The following HSF2BP variants were observed in gnomAD, a reference collection of about 807,000 sequenced individuals.
HSF2BP encodes the protein heat shock factor 2-binding protein.
A neutral mutation model predicts 35.0 loss-of-function variants in HSF2BP; 35 were observed. The observed-to-expected ratio is 1.00, with a 90% CI of 0.76 to 1.32. The LOEUF is 1.32. HSF2BP is among the 40% of genes most tolerant of loss of function. HSF2BP has a pLI of 0.00. For synonymous variants in HSF2BP, 114 were observed against 117.4 expected, an observed-to-expected ratio of 0.97 and a Z score of 0.18; for missense variants, 326 against 321.7, an observed-to-expected ratio of 1.01 and a Z score of -0.10.
chr21:43,574,492 G>A (rs962310771), intron 8 of HSF2BP, among the ~76,000 whole-genome samples: 1 of 151,992 alleles, frequency 6.6e-6, no homozygotes, highest in Non-Finnish European at 1.5e-5. Context: ...CAAGTAGCTG[G>A]GACTACAGGC....
chr21:43,618,591 C>T (rs1468138543), intron 6 of HSF2BP, among the ~76,000 whole-genome samples: 7 of 152,106 alleles, frequency 4.6e-5, no homozygotes, highest in Admixed American at 3.3e-4. Flanking sequence ...TGAATACCTA[C>T]CACACACCAT....
chr21:43,612,347 G>A (rs1286856221), intron 7 of HSF2BP, among the ~76,000 whole-genome samples: 1 of 152,042 alleles, frequency 6.6e-6, no homozygotes, highest in Non-Finnish European at 1.5e-5. Flanking sequence ...CTTTACAGAA[G>A]CTCTTACTTT....
rs1601746559 is a variant in HSF2BP at position 43,659,445 on chromosome 21, C to T, written c.-284G>A. 1.0e-5 allele frequency: 3 copies of T among 289,896 alleles called. No homozygotes were observed. Among genetic ancestry groups the T allele is most frequent in the South Asian group, 3.1e-4 (2 of 6,536 alleles). The allele number at this position is 289,896 out of a possible 1,614,324, so 18.0% of individuals were successfully genotyped here. On this transcript the variant is annotated 5_prime_UTR_variant, in exon 1 of 9. The change creates a new upstream start codon in the 5' untranslated region. Coordinates refer to ENST00000291560, the MANE Select transcript of HSF2BP (RefSeq NM_007031.2). The surrounding 1 kb of genome is among the most constrained non-coding windows in gnomAD (Gnocchi z 4.2). ...AGGCAGCGCCGGCGCCACGTGCACA[C>T]GGGCTGGGCCGCTCCGCCAGCTGCC...
At chr21:43,590,832 T>C (rs1264142651) in intron 8 of HSF2BP, among the ~76,000 whole-genome samples, 1 of 152,120 alleles carries the variant, frequency 6.6e-6, no homozygotes, top group African/African-American at 2.4e-5. Context: ...GGCGAGTCAC[T>C]CTCTGGAAAG....
chr21:43,643,638 A>AC (rs2082668834), intron 4 of HSF2BP, among the ~76,000 whole-genome samples: 1 of 152,174 alleles, frequency 6.6e-6, no homozygotes, highest in South Asian at 2.1e-4. Context: ...CAAAATCTTG[A>AC]CATAAATAAA....
intron 7 of HSF2BP, among the ~76,000 whole-genome samples, chr21:43,595,726 A>ATT (rs770855952): frequency 0.024 from 1,426 of 58,260 alleles, 374 homozygotes; most frequent in Non-Finnish European, 0.032. Flanking sequence ...TAAGAGGCTA[A>ATT]TTTTTTTTTT....
chr21:43,633,414 A>C lies in HSF2BP; in HGVS notation c.299T>G (p.Leu100Arg), dbSNP rs1568930077. The C allele has an allele frequency of 5.6e-6, 9 of 1,608,124 alleles. No homozygotes were observed. Among genetic ancestry groups the C allele is most frequent in the Non-Finnish European group, 7.6e-6 (9 of 1,178,408 alleles). The change falls in exon 5 of 9, where the codon CTG becomes CGG. Residue 100 changes from leucine to arginine, a missense_variant. Transcript: ENST00000291560. ...TTCATTCAACTGCTGTCGAAGAGCC[A>C]GTTTCTCCTAAAAGCAAAACAAAAT... ...ADNIREKKEK[L>R]ALRQQLNEAK...
intron 6 of HSF2BP, among the ~76,000 whole-genome samples, chr21:43,620,195 A>G (rs2082315964): frequency 6.6e-6 from 1 of 152,240 alleles, no homozygotes; most frequent in Non-Finnish European, 1.5e-5. Flanking sequence ...ACATATATCC[A>G]TAAGAAACAA....
intron 7 of HSF2BP, among the ~76,000 whole-genome samples, chr21:43,604,151 A>C (rs2082084758): frequency 6.6e-6 from 1 of 151,918 alleles, no homozygotes; most frequent in Non-Finnish European, 1.5e-5. Flanking sequence ...AATGACAGGC[A>C]ACAGGGCACA....
intron 4 of HSF2BP, among the ~76,000 whole-genome samples, chr21:43,634,617 A>C (rs1393261134): frequency 6.6e-6 from 1 of 152,186 alleles, no homozygotes; most frequent in Non-Finnish European, 1.5e-5. Context: ...AACTTGGATT[A>C]GGGTGGCCCA....
At chr21:43,575,164 C>T (rs2081627215) in intron 8 of HSF2BP, among the ~76,000 whole-genome samples, 1 of 152,180 alleles carries the variant, frequency 6.6e-6, no homozygotes, top group Non-Finnish European at 1.5e-5. Flanking sequence ...TCAAATGTTA[C>T]AGGATATTTA....
At chr21:43,621,859 C>T (rs1231709080) in intron 6 of HSF2BP, among the ~76,000 whole-genome samples, 1 of 152,028 alleles carries the variant, frequency 6.6e-6, no homozygotes, top group Non-Finnish European at 1.5e-5. Flanking sequence ...CACACTGGTA[C>T]ACAGACAACC....
chr21:43,458,079 C>T, the HSF2BP span, among the ~76,000 whole-genome samples: 1 of 97,148 alleles, frequency 1.0e-5, no homozygotes, highest in African/African-American at 3.7e-5. Context: ...CCCCTGCCCC[C>T]TCCACCCTGC....
chr21:43,639,443 G>C (rs2082607015), intron 4 of HSF2BP, among the ~76,000 whole-genome samples: 1 of 151,602 alleles, frequency 6.6e-6, no homozygotes, highest in African/African-American at 2.4e-5. Context: ...GAGCTCAAAC[G>C]CAAAAGTAAA....
intron 7 of HSF2BP, among the ~76,000 whole-genome samples, chr21:43,598,446 T>A (rs2082012980): frequency 6.6e-6 from 1 of 150,928 alleles, no homozygotes; most frequent in Non-Finnish European, 1.5e-5. Context: ...GGTCTCAAAC[T>A]CCTGACCTCA....
At chr21:43,591,670 A>T (rs948655359) in intron 8 of HSF2BP, among the ~76,000 whole-genome samples, 1 of 152,244 alleles carries the variant, frequency 6.6e-6, no homozygotes, top group African/African-American at 2.4e-5. Context: ...TCTTATCCAC[A>T]GTTTCACCTT....
chr21:43,620,514 C>G (rs2082319261), intron 6 of HSF2BP, among the ~76,000 whole-genome samples: 1 of 152,120 alleles, frequency 6.6e-6, no homozygotes, highest in Non-Finnish European at 1.5e-5. Flanking sequence ...AGCAACACAG[C>G]AAGACCCCAT....
At chr21:43,575,144 T>A (rs1256836532) in intron 8 of HSF2BP, among the ~76,000 whole-genome samples, 1 of 152,204 alleles carries the variant, frequency 6.6e-6, no homozygotes, top group East Asian at 1.9e-4. Flanking sequence ...CCTCCGGGAT[T>A]TGGAATTCCT....
At chr21:43,621,538 AAAGAAG>A (rs1290786039) in intron 6 of HSF2BP, among the ~76,000 whole-genome samples, 1 of 152,128 alleles carries the variant, frequency 6.6e-6, no homozygotes, top group African/African-American at 2.4e-5. Flanking sequence ...GAAAAAAAAA[AAAGAAG>A]AAGAAGAAAC....
Sources: allele counts gnomAD v4.1 joint callset (sites outside exome capture counted in the v4.1 genomes callset), GRCh38; gene constraint gnomAD v4.1.1; non-coding constraint Gnocchi (gnomAD v3.1); transcripts MANE v1.5; gene names NCBI Gene and HGNC (gene_info 2026-07-23, HGNC 2026-07-21).